The following PAMR1 variants were observed in gnomAD, a reference collection of about 807,000 sequenced individuals.
The protein encoded by PAMR1 is inactive serine protease PAMR1.
In PAMR1, 88 loss-of-function variants were observed where a neutral mutation model predicts 81.8. That is an observed-to-expected ratio of 1.08 (90% CI 0.91 to 1.28). The LOEUF is 1.28. Ranked by LOEUF, PAMR1 falls within the 50% of genes most tolerant of loss-of-function variation. PAMR1 has a pLI of 0.00. For synonymous variants in PAMR1, 336 were observed against 345.3 expected, an observed-to-expected ratio of 0.97 and a Z score of 0.30; for missense variants, 935 against 919.7, an observed-to-expected ratio of 1.02 and a Z score of -0.21.
chr11:35,527,443 T>G (rs188886175), upstream of PAMR1, among the ~76,000 whole-genome samples: 1 of 152,148 alleles, frequency 6.6e-6, no homozygotes, highest in Non-Finnish European at 1.5e-5. Flanking sequence ...GAACATCTCA[T>G]GGTATGAGTC....
intron 5 of PAMR1, among the ~76,000 whole-genome samples, chr11:35,469,270 T>C (rs1468694585): frequency 1.3e-5 from 2 of 152,218 alleles, no homozygotes; most frequent in Admixed American, 1.3e-4. Flanking sequence ...GTGGTATTAT[T>C]TGACGGCATT....
chr11:35,437,519 T>A (rs936371327), intron 8 of PAMR1, among the ~76,000 whole-genome samples: 1 of 152,252 alleles, frequency 6.6e-6, no homozygotes, highest in Non-Finnish European at 1.5e-5. Context: ...AGGGAGCTCC[T>A]GAACTTGCAA....
chr11:35,451,096 G>C (rs1303829731), intron 6 of PAMR1, among the ~76,000 whole-genome samples: 1 of 152,228 alleles, frequency 6.6e-6, no homozygotes, highest in African/African-American at 2.4e-5. Flanking sequence ...CCTTTCTATT[G>C]TTGGCTTTGA....
chr11:35,511,091 G>C (rs1384086770), intron 1 of PAMR1, among the ~76,000 whole-genome samples: 1 of 152,254 alleles, frequency 6.6e-6, no homozygotes, highest in Non-Finnish European at 1.5e-5. Flanking sequence ...CACAGGTTCA[G>C]CTTTCATATA....
At chr11:35,460,171 G>A (rs991629052) in intron 6 of PAMR1, among the ~76,000 whole-genome samples, 2 of 152,204 alleles carry the variant, frequency 1.3e-5, no homozygotes, top group East Asian at 1.9e-4. Context: ...GTCCCACAAG[G>A]CAGATACCTT....
At position 35,433,821 on chromosome 11, in the gene PAMR1, G is replaced by GGGATGGATGGAT. The variant is rs377245331; in HGVS notation, c.1626+679_1626+690dup. Reference sequence around the variant, plus strand: ...ATGGATGGATAGATGGAGGGATGGAGGGATGGATGGATGGATGGATGGATG... The same window carrying GGGATGGATGGAT: ...ATGGATGGATAGATGGAGGGATGGAGGGATGGATGGATGGATGGATGGATGGATGGATGGATG... On this transcript the variant is annotated intron_variant, in intron 10 of 10. Transcript: ENST00000619888. 5.9e-3 allele frequency among the ~76,000 whole-genome samples: 878 copies of GGGATGGATGGAT among 149,526 alleles called. 15 individuals are homozygous for GGGATGGATGGAT. Among genetic ancestry groups the GGGATGGATGGAT allele is most frequent in the African/African-American group, 0.02 (791 of 40,084 alleles).
intron 6 of PAMR1, among the ~76,000 whole-genome samples, chr11:35,463,579 G>A (rs1856702894): frequency 6.6e-6 from 1 of 152,212 alleles, no homozygotes; most frequent in East Asian, 1.9e-4. Flanking sequence ...AAACTTCAGA[G>A]GGAAGAAGGG....
chr11:35,519,567 A>G lies in PAMR1; in HGVS notation c.73+5946T>C, dbSNP rs12273953. ...GGGAGCAAGGTACATGACACCATGG[A>G]CAGCTGTCCCAGAAACTGGTTGGAC... On this transcript the variant is annotated intron_variant, in intron 1 of 10. Coordinates refer to ENST00000619888, the MANE Select transcript of PAMR1 (RefSeq NM_001001991.3). 4.2e-3 allele frequency among the ~76,000 whole-genome samples: 643 copies of G among 152,314 alleles called. 13 individuals carry two copies. In the East Asian group the frequency reaches 0.064, roughly 15 times the overall value.
intron 8 of PAMR1, 99 bp downstream of exon 8, chr11:35,439,528 T>A (rs541129753): frequency 5.0e-6 from 5 of 998,958 alleles, no homozygotes; most frequent in Non-Finnish European, 8.0e-6. Flanking sequence ...CTAAGAAACC[T>A]CAAACTGACT....
intron 1 of PAMR1, among the ~76,000 whole-genome samples, chr11:35,500,546 A>C (rs146445302): frequency 6.6e-6 from 1 of 152,364 alleles, no homozygotes; most frequent in Non-Finnish European, 1.5e-5. Context: ...TTAGAATGCT[A>C]TAAGAATGAA....
intron 3 of PAMR1, among the ~76,000 whole-genome samples, chr11:35,475,923 T>C (rs1311121197): frequency 1.3e-5 from 2 of 152,236 alleles, no homozygotes; most frequent in African/African-American, 2.4e-5. Context: ...GATTGCCTTC[T>C]TAAACTTGGA....
intron 6 of PAMR1, among the ~76,000 whole-genome samples, chr11:35,459,458 G>T (rs550024661): frequency 1.3e-5 from 2 of 152,314 alleles, no homozygotes; most frequent in African/African-American, 2.4e-5. Context: ...AATCTCAGAA[G>T]ATTTCTGCTT....
intron 1 of PAMR1, among the ~76,000 whole-genome samples, chr11:35,515,356 C>G (rs189415240): frequency 2.6e-5 from 4 of 152,326 alleles, no homozygotes; most frequent in Admixed American, 6.5e-5. Flanking sequence ...TGGCCAACAA[C>G]AGATGTCAAG....
chr11:35,500,251 T>C (rs984527773), intron 1 of PAMR1, among the ~76,000 whole-genome samples: 2 of 152,208 alleles, frequency 1.3e-5, no homozygotes, highest in Non-Finnish European at 2.9e-5. Flanking sequence ...ATACTGGGAC[T>C]TCTTGAAAGA....
At chr11:35,433,614 T>C (rs1250195664) in intron 10 of PAMR1, among the ~76,000 whole-genome samples, 1 of 152,274 alleles carries the variant, frequency 6.6e-6, no homozygotes, top group Non-Finnish European at 1.5e-5. Flanking sequence ...CACTCAACTG[T>C]GGACTTTTCA....
At chr11:35,499,510 G>A (rs904940066) in intron 1 of PAMR1, among the ~76,000 whole-genome samples, 10 of 152,168 alleles carry the variant, frequency 6.6e-5, no homozygotes, top group Non-Finnish European at 1.3e-4. Context: ...CAACATGGAA[G>A]GCCATTTAAG....
chr11:35,473,059 C>A (rs1398864621), intron 4 of PAMR1, among the ~76,000 whole-genome samples: 1 of 152,018 alleles, frequency 6.6e-6, no homozygotes, highest in Non-Finnish European at 1.5e-5. Context: ...TGGCTTGAAG[C>A]AGAATGGTGA....
intron 3 of PAMR1, among the ~76,000 whole-genome samples, chr11:35,488,386 A>T (rs997161734): frequency 3.3e-5 from 5 of 151,462 alleles, no homozygotes; most frequent in African/African-American, 1.2e-4. Flanking sequence ...GCCTGGCTGA[A>T]TTTTTTTAAT....
At chr11:35,500,265 G>A (rs1239929462) in intron 1 of PAMR1, among the ~76,000 whole-genome samples, 1 of 152,174 alleles carries the variant, frequency 6.6e-6, no homozygotes, top group East Asian at 1.9e-4. Flanking sequence ...TGAAAGAAAG[G>A]TTAGCCCACA....
Sources: allele counts gnomAD v4.1 joint callset (sites outside exome capture counted in the v4.1 genomes callset), GRCh38; gene constraint gnomAD v4.1.1; transcripts MANE v1.5; gene names NCBI Gene and HGNC (gene_info 2026-07-23, HGNC 2026-07-21).